Variants in CNTLN observed in about 807,000 individuals in gnomAD.
CNTLN encodes the protein centlein, centrosomal protein.
A neutral mutation model predicts 180.0 loss-of-function variants in CNTLN; 212 were observed. The ratio of observed to expected loss-of-function variants is 1.18; its 90% CI spans 1.05 to 1.32. The LOEUF (loss-of-function observed/expected upper bound fraction) is 1.32. CNTLN is among the 40% of genes most tolerant of loss of function. CNTLN has a pLI of 0.00. For missense variants in CNTLN, 2,095 were observed against 1,610.9 expected, an observed-to-expected ratio of 1.30 and a Z score of -5.14; for synonymous variants, 722 against 563.1, an observed-to-expected ratio of 1.28 and a Z score of -3.99.
chr9:17,469,995 T>C (rs1024197546), intron 23 of CNTLN, among the ~76,000 whole-genome samples: 29 of 151,938 alleles, frequency 1.9e-4, no homozygotes, highest in African/African-American at 6.8e-4. Context: ...TATCTCAATA[T>C]CAACTATTAT....
intron 5 of CNTLN, among the ~76,000 whole-genome samples, chr9:17,243,451 G>C (rs12237892): frequency 0.17 from 26,046 of 152,022 alleles, 2,496 homozygotes; most frequent in South Asian, 0.28. Context: ...GATTCTTACA[G>C]CATAAAATTT....
intron 24 of CNTLN, 94 bp downstream of exon 24, chr9:17,484,574 C>G: frequency 2.0e-6 from 2 of 1,013,904 alleles, no homozygotes; most frequent in Non-Finnish European, 2.8e-6. Flanking sequence ...AGAATTTCAT[C>G]TTTAAGAGAG....
At chr9:17,166,932 T>G in intron 2 of CNTLN, 2 of 451,246 alleles carry the variant, frequency 4.4e-6, no homozygotes, top group South Asian at 1.7e-5. Context: ...TATTCCAAGG[T>G]GAAGATGAAA....
intron 18 of CNTLN, among the ~76,000 whole-genome samples, chr9:17,416,888 C>A (rs762374916): frequency 1.3e-5 from 2 of 150,430 alleles, no homozygotes; most frequent in South Asian, 4.1e-4. Flanking sequence ...AAATTTATTT[C>A]ATTATATTAG....
chr9:17,373,343 G>A (rs190767543), intron 13 of CNTLN, among the ~76,000 whole-genome samples: 1 of 152,128 alleles, frequency 6.6e-6, no homozygotes, highest in East Asian at 1.9e-4. Flanking sequence ...CAAACAATCT[G>A]AAAAAGAAAT....
chr9:17,512,945 T>C, the CNTLN span, among the ~76,000 whole-genome samples: 1 of 152,086 alleles, frequency 6.6e-6, no homozygotes, highest in African/African-American at 2.4e-5. Flanking sequence ...GCGTCCCGAG[T>C]AGCTGGGACT....
intron 18 of CNTLN, among the ~76,000 whole-genome samples, chr9:17,437,875 T>C (rs761285778): frequency 1.3e-5 from 2 of 152,184 alleles, no homozygotes; most frequent in Non-Finnish European, 2.9e-5. Flanking sequence ...GAGAGAGTTA[T>C]TCGTTCCTGT....
At chr9:17,476,436 TAGTG>T (rs1172078846) in intron 23 of CNTLN, among the ~76,000 whole-genome samples, 1 of 152,112 alleles carries the variant, frequency 6.6e-6, no homozygotes, top group Non-Finnish European at 1.5e-5. Context: ...TAGAAAAACT[TAGTG>T]AGGAAGGCAT....
intron 18 of CNTLN, among the ~76,000 whole-genome samples, chr9:17,451,634 G>C (rs573253475): frequency 6.6e-6 from 1 of 152,048 alleles, no homozygotes; most frequent in Non-Finnish European, 1.5e-5. Flanking sequence ...AATATTGAGC[G>C]TCTCACCGTT....
intron 8 of CNTLN, among the ~76,000 whole-genome samples, chr9:17,312,347 A>ATATATAT (rs1363128424): frequency 6.9e-5 from 1 of 14,570 alleles, no homozygotes; most frequent in African/African-American, 1.5e-4. Flanking sequence ...CTGTATTTAT[A>ATATATAT]TATATATATA....
At chr9:17,361,806 C>A (rs1823412946) in intron 12 of CNTLN, among the ~76,000 whole-genome samples, 1 of 152,220 alleles carries the variant, frequency 6.6e-6, no homozygotes, top group Non-Finnish European at 1.5e-5. Flanking sequence ...GATTACAGTT[C>A]TGTGCTGCCT....
At chr9:17,519,242 G>GTTTT in the CNTLN span, among the ~76,000 whole-genome samples, 2 of 84,876 alleles carry the variant, frequency 2.4e-5, no homozygotes, top group African/African-American at 7.1e-5. Flanking sequence ...TGAGATTTGA[G>GTTTT]TGTTTTTTTT....
chr9:17,171,503 C>T (rs1820419148), intron 2 of CNTLN, among the ~76,000 whole-genome samples: 2 of 152,128 alleles, frequency 1.3e-5, no homozygotes, highest in African/African-American at 2.4e-5. Context: ...GCAGGGGGAG[C>T]GAGGGCTTTT....
At position 17,187,997 on chromosome 9, in the gene CNTLN, CTATATATATACACCATATATATATA is replaced by C. The variant is rs964001304; in HGVS notation, c.450-38192_450-38168del. Among the ~76,000 whole-genome samples, 50 of 124,636 alleles carry C rather than the reference CTATATATATACACCATATATATATA, an allele frequency of 4.0e-4. 1 individual carries two copies. In the East Asian group the frequency reaches 0.01, roughly 25 times the overall value. 81.8% of individuals were successfully genotyped at this position (124,636 alleles called of 152,430 possible). A position where few individuals can be genotyped will look rare whatever the true frequency, so the allele number is the denominator to read the frequency against. On this transcript the variant is annotated intron_variant, in intron 2 of 25. Coordinates refer to ENST00000380647, the MANE Select transcript of CNTLN (RefSeq NM_017738.4). The stretch of plus-strand genomic sequence containing the variant: ...ACTTTGCTCAATAATTATATATACA[CTATATATATACACCATATATATATA>C]TATATATATACACAGCATATTTATG...
At chr9:17,171,600 G>A (rs1276797918) in intron 2 of CNTLN, among the ~76,000 whole-genome samples, 1 of 152,076 alleles carries the variant, frequency 6.6e-6, no homozygotes, top group Non-Finnish European at 1.5e-5. Context: ...ATCCCTCTTG[G>A]TGCTGGGTCT....
intron 25 of CNTLN, among the ~76,000 whole-genome samples, chr9:17,497,139 G>C (rs2134397406): frequency 6.6e-6 from 1 of 152,226 alleles, no homozygotes; most frequent in East Asian, 1.9e-4. Flanking sequence ...TTATCTTAAA[G>C]GTGAAGGCAC....
intron 2 of CNTLN, among the ~76,000 whole-genome samples, chr9:17,177,764 A>G (rs1415310638): frequency 2.0e-5 from 3 of 152,124 alleles, no homozygotes; most frequent in Admixed American, 6.5e-5. Context: ...TACAGCTCAT[A>G]AAGGCAGTGT....
chr9:17,392,334 C>T (rs1826177935), intron 14 of CNTLN, among the ~76,000 whole-genome samples: 1 of 152,126 alleles, frequency 6.6e-6, no homozygotes. Context: ...ACTCACTCCC[C>T]TTTGGAATTT....
intron 5 of CNTLN, among the ~76,000 whole-genome samples, chr9:17,250,075 T>A (rs1826048903): frequency 6.6e-6 from 1 of 151,718 alleles, no homozygotes; most frequent in Non-Finnish European, 1.5e-5. Context: ...GGTGCCTACA[T>A]GTTTATTATT....
Sources: gnomAD v4.1 joint callset for allele counts (sites outside exome capture counted in the v4.1 genomes callset) on GRCh38, gnomAD v4.1.1 for gene constraint, MANE v1.5 for transcripts, NCBI Gene and HGNC (gene_info 2026-07-23, HGNC 2026-07-21) for gene names.